ARMC8: variants seen among roughly 807,000 people sequenced by gnomAD.
ARMC8 encodes armadillo repeat-containing protein 8.
A neutral mutation model predicts 99.3 loss-of-function variants in ARMC8; 20 were observed. That is an observed-to-expected ratio of 0.20 (90% CI 0.14 to 0.29). The LOEUF is 0.29. Ranked by LOEUF, ARMC8 falls within the 10% of genes least tolerant of loss-of-function variation. The pLI is 1.00. For missense variants in ARMC8, 569 were observed against 809.5 expected (o/e 0.70, Z 3.60); for synonymous variants, 263 against 278.3 (o/e 0.95, Z 0.55).
chr3:138,259,701 T>C (rs929675262), intron 12 of ARMC8, among the ~76,000 whole-genome samples: 16 of 152,198 alleles, frequency 1.1e-4, no homozygotes, highest in African/African-American at 2.9e-4. Flanking sequence ...TACCTCCAGA[T>C]AGTTTTATGT....
chr3:138,278,102 T>A lies in ARMC8; in HGVS notation c.1725+3558T>A, dbSNP rs142991302. ...ATCAAAGGTATCCAAGCCTTAAAGG[T>A]TGGGGGCAGGATTTGACTATAAAGG... is the stretch of plus-strand genomic sequence containing the variant. On this transcript the variant is annotated intron_variant, in intron 18 of 21. Transcript: ENST00000469044. 2.3e-3 allele frequency among the ~76,000 whole-genome samples: 355 copies of A among 152,036 alleles called. 1 individual carries two copies. Among genetic ancestry groups the A allele is most frequent in the African/African-American group, 7.3e-3 (302 of 41,446 alleles).
chr3:138,195,460 A>G (rs2043671969), intron 1 of ARMC8, among the ~76,000 whole-genome samples: 1 of 152,186 alleles, frequency 6.6e-6, no homozygotes, highest in South Asian at 2.1e-4. Context: ...ATGTTCAGGA[A>G]GTCTTTTAAA....
At chr3:138,274,075 C>A (rs372389572) in intron 17 of ARMC8, among the ~76,000 whole-genome samples, 3 of 152,284 alleles carry the variant, frequency 2.0e-5, no homozygotes, top group African/African-American at 7.2e-5. Context: ...ACCTCGGCCC[C>A]CCAAAGTGCT....
chr3:138,212,727 A>G (rs1209428276), intron 2 of ARMC8, among the ~76,000 whole-genome samples: 1 of 152,152 alleles, frequency 6.6e-6, no homozygotes, highest in Non-Finnish European at 1.5e-5. Flanking sequence ...AGTCACCATT[A>G]AGTCATCATT....
rs909008768 is a variant in ARMC8, at chr3:138,254,909, A to G, written c.1135-8830A>G. Among the ~76,000 whole-genome samples, 5 of 152,320 alleles carry G rather than the reference A, an allele frequency of 3.3e-5. No individual in the cohort carries two copies. In the South Asian group the frequency reaches 8.3e-4, roughly 25 times the overall value. ...TAAATGACAAAATATCATGAGGCTT[A>G]AAAGTAAAAATGAAATGTAGAAACT... On this transcript the variant is annotated intron_variant, in intron 12 of 21. Transcript: ENST00000469044.
At chr3:138,229,178 A>ATATATATATATATATG (rs1576686064) in intron 6 of ARMC8, 168 bp downstream of exon 6, 9 of 32,086 alleles carry the variant, frequency 2.8e-4, no homozygotes, top group South Asian at 1.3e-3. Flanking sequence ...ATATATATAT[A>ATATATATATATATATG]TATATGTATA....
intron 1 of ARMC8, among the ~76,000 whole-genome samples, chr3:138,197,460 T>C (rs1388807783): frequency 6.6e-6 from 1 of 152,192 alleles, no homozygotes; most frequent in Non-Finnish European, 1.5e-5. Context: ...GACAGCAATT[T>C]TGAATAATAA....
intron 18 of ARMC8, 122 bp downstream of exon 18, chr3:138,274,666 A>G: frequency 1.5e-6 from 1 of 668,506 alleles, no homozygotes; most frequent in Non-Finnish European, 2.6e-6. Context: ...GATGCTCTAG[A>G]AATAGGAAGA....
chr3:138,211,380 G>T (rs1304369027), intron 2 of ARMC8, among the ~76,000 whole-genome samples: 1 of 152,190 alleles, frequency 6.6e-6, no homozygotes, highest in African/African-American at 2.4e-5. Flanking sequence ...AATTCTGTGT[G>T]ATAGACTGGT....
chr3:138,222,208 C>A (rs2045440469), intron 3 of ARMC8, among the ~76,000 whole-genome samples: 1 of 152,066 alleles, frequency 6.6e-6, no homozygotes, highest in Non-Finnish European at 1.5e-5. Context: ...TGTGTTAATA[C>A]ATTTTGGAAA....
At chr3:138,222,319 A>G (rs1488539781) in intron 3 of ARMC8, among the ~76,000 whole-genome samples, 2 of 152,196 alleles carry the variant, frequency 1.3e-5, no homozygotes, top group Non-Finnish European at 2.9e-5. Flanking sequence ...GAGCCTTGGC[A>G]GTTTTTTGTG....
At chr3:138,265,831 A>G (rs1043160716) in intron 14 of ARMC8, among the ~76,000 whole-genome samples, 15 of 152,166 alleles carry the variant, frequency 9.9e-5, no homozygotes, top group African/African-American at 3.1e-4. Context: ...TGGTTCTTCC[A>G]TTGAGGAGGT....
At chr3:138,292,984 C>T (rs777987528) in intron 21 of ARMC8, among the ~76,000 whole-genome samples, 1 of 152,136 alleles carries the variant, frequency 6.6e-6, no homozygotes, top group East Asian at 1.9e-4. Context: ...CTTCAAAACT[C>T]ATATCAGGTT....
intron 1 of ARMC8, among the ~76,000 whole-genome samples, chr3:138,191,809 T>G (rs2043400621): frequency 6.6e-6 from 1 of 152,272 alleles, no homozygotes; most frequent in Non-Finnish European, 1.5e-5. Flanking sequence ...GCTTTTGAGA[T>G]CTATCCATAT....
chr3:138,284,895 TCCTTTA>T (rs2050260148), intron 19 of ARMC8, among the ~76,000 whole-genome samples: 1 of 152,186 alleles, frequency 6.6e-6, no homozygotes. Context: ...GCACCATAGT[TCCTTTA>T]CCTGTTTGCT....
chr3:138,187,984 G>T, intron 1 of ARMC8: 1 of 277,698 alleles, frequency 3.6e-6, no homozygotes, highest in Non-Finnish European at 6.9e-6. Context: ...CGGGCTTGCA[G>T]CCGGCCTGAG....
chr3:138,270,375 C>T (rs1295121456), intron 16 of ARMC8, among the ~76,000 whole-genome samples: 2 of 152,164 alleles, frequency 1.3e-5, no homozygotes, highest in Admixed American at 6.5e-5. Flanking sequence ...GATGTTGAAA[C>T]TTAGCTAATT....
intron 12 of ARMC8, among the ~76,000 whole-genome samples, chr3:138,249,236 G>A (rs1163631803): frequency 1.3e-5 from 2 of 152,088 alleles, no homozygotes; most frequent in South Asian, 2.1e-4. Context: ...TAGCAATTCT[G>A]TCTGTGTGTA....
chr3:138,281,714 G>A (rs759321596), intron 18 of ARMC8, among the ~76,000 whole-genome samples: 13 of 152,198 alleles, frequency 8.5e-5, no homozygotes, highest in East Asian at 3.9e-4. Context: ...ATGCATGGGC[G>A]TATTCTAACA....
Sources: gnomAD v4.1 joint callset for allele counts (sites outside exome capture counted in the v4.1 genomes callset) on GRCh38, gnomAD v4.1.1 for gene constraint, MANE v1.5 for transcripts, NCBI Gene and HGNC (gene_info 2026-07-23, HGNC 2026-07-21) for gene names.